MRTFA: variants seen among roughly 807,000 people sequenced by gnomAD.
MRTFA encodes myocardin-related transcription factor A.
A neutral mutation model predicts 83.5 loss-of-function variants in MRTFA; 20 were observed. The ratio of observed to expected loss-of-function variants is 0.24; its 90% CI spans 0.17 to 0.35. The LOEUF is 0.35. MRTFA is among the 10% of genes least tolerant of loss of function. The probability of loss-of-function intolerance (pLI) is 1.00; values close to 1 mark genes in which losing one functional copy is unlikely to be tolerated. For missense variants in MRTFA, 1,200 were observed against 1,224.7 expected (o/e 0.98, Z 0.30); for synonymous variants, 659 against 541.2 (o/e 1.22, Z -3.02).
chr22:40,567,468 T>A (rs1338356158), intron 2 of MRTFA, among the ~76,000 whole-genome samples: 1 of 152,210 alleles, frequency 6.6e-6, no homozygotes, highest in Non-Finnish European at 1.5e-5. Context: ...TCTGCACATA[T>A]TTTGTGTATT....
intron 1 of MRTFA, among the ~76,000 whole-genome samples, chr22:40,600,009 C>A (rs200126782): frequency 1.8e-3 from 223 of 121,240 alleles, no homozygotes; most frequent in Middle Eastern, 8.9e-3. Flanking sequence ...TTTGACTTAT[C>A]AAAAAAAAAA....
chr22:40,444,162 T>TAACATATTACA (rs906739178), intron 4 of MRTFA, among the ~76,000 whole-genome samples: 1 of 152,164 alleles, frequency 6.6e-6, no homozygotes, highest in Non-Finnish European at 1.5e-5. Context: ...CAGAGACTCC[T>TAACATATTACA]AACATATTAC....
intron 1 of MRTFA, among the ~76,000 whole-genome samples, chr22:40,625,073 G>A (rs749459160): frequency 1.3e-5 from 2 of 152,152 alleles, no homozygotes; most frequent in African/African-American, 2.4e-5. Context: ...ACTAGCATAT[G>A]ATACATTATG....
chr22:40,575,897 G>A (rs2055860184), intron 2 of MRTFA, among the ~76,000 whole-genome samples: 1 of 152,094 alleles, frequency 6.6e-6, no homozygotes, highest in Admixed American at 6.6e-5. Flanking sequence ...TACATGAGAA[G>A]CACTAACAAT....
intron 3 of MRTFA, among the ~76,000 whole-genome samples, chr22:40,546,427 T>C (rs1326206884): frequency 6.6e-6 from 1 of 152,196 alleles, no homozygotes; most frequent in Admixed American, 6.5e-5. Context: ...GTCGTAGATA[T>C]CCGTGGAGGA....
chr22:40,598,814 C>T (rs1056240982), intron 1 of MRTFA, among the ~76,000 whole-genome samples: 2 of 149,528 alleles, frequency 1.3e-5, no homozygotes, highest in Non-Finnish European at 3.0e-5. Context: ...TGGAGAAATT[C>T]CGTCGCTACT....
At chr22:40,577,886 G>A (rs1298756830) in intron 2 of MRTFA, among the ~76,000 whole-genome samples, 3 of 151,644 alleles carry the variant, frequency 2.0e-5, no homozygotes, top group Non-Finnish European at 4.4e-5. Flanking sequence ...GATTATAGGT[G>A]TGAGCCACCA....
chr22:40,477,414 G>A (rs1366129278), intron 3 of MRTFA, among the ~76,000 whole-genome samples: 1 of 151,754 alleles, frequency 6.6e-6, no homozygotes, highest in Non-Finnish European at 1.5e-5. Context: ...AGACATCAGA[G>A]AAAGAATCAG....
intron 1 of MRTFA, among the ~76,000 whole-genome samples, chr22:40,630,128 C>T (rs2056626657): frequency 6.6e-6 from 1 of 151,874 alleles, no homozygotes; most frequent in Non-Finnish European, 1.5e-5. Context: ...GCCTGGCCAA[C>T]ATATAGTGAA....
rs200611220 is a variant in MRTFA, at chr22:40,547,790, G to A, written c.241+4316C>T. 2.3e-4 allele frequency among the ~76,000 whole-genome samples: 35 copies of A among 150,694 alleles called. No individual in the cohort carries two copies. The East Asian group carries it at 5.9e-3, about 25-fold the overall frequency. ...AATCACTTGAACCCTGGAGGCAGAGGTTGCCGTGAGCTGAGATCATACCAC... is the reference window on the plus strand; with the variant it reads ...AATCACTTGAACCCTGGAGGCAGAGATTGCCGTGAGCTGAGATCATACCAC... On this transcript the variant is annotated intron_variant, in intron 3 of 14. Transcript: ENST00000355630.
chr22:40,420,966 G>C lies in MRTFA; in HGVS notation c.1062C>G (p.Pro354=). 1 of 1,612,902 alleles carries C rather than the reference G, an allele frequency of 6.2e-7. No individual in the cohort carries two copies. Among genetic ancestry groups the C allele is most frequent in the East Asian group, 2.2e-5 (1 of 44,858 alleles). The change falls in exon 10 of 15, where the codon CCC becomes CCG. Residue 354 remains proline (P), a synonymous_variant. Transcript: ENST00000355630. ...GGATCTTGGCGTAGGATGAGTCCATGGGGGGTGCCCCCCTGTCCTGCTTCT... is the reference window on the plus strand; with the variant it reads ...GGATCTTGGCGTAGGATGAGTCCATCGGGGGTGCCCCCCTGTCCTGCTTCT...
chr22:40,461,166 T>C (rs1009476445), intron 4 of MRTFA, among the ~76,000 whole-genome samples: 1 of 137,466 alleles, frequency 7.3e-6, no homozygotes, highest in Non-Finnish European at 1.5e-5. Flanking sequence ...GATCATGCCA[T>C]TGCACTTTAG....
chr22:40,594,681 A>C lies in MRTFA; in HGVS notation c.-29T>G, dbSNP rs1415477811. On this transcript the variant is annotated 5_prime_UTR_variant, in exon 2 of 15. It removes the in-frame stop codon of an upstream open reading frame in the 5' UTR. Coordinates refer to ENST00000355630, the MANE Select transcript of MRTFA (RefSeq NM_020831.6). ...AATAAATCTGGGACCTACCTTGCTT[A>C]CAATTCCCACAGACAGATGAAATTC... is the stretch of plus-strand genomic sequence containing the variant. 1 of 152,218 alleles carries C rather than the reference A, an allele frequency of 6.6e-6. No homozygotes were observed. The highest frequency in any genetic ancestry group is 2.4e-5 in the African/African-American group (1 of 41,448). 9.4% of individuals were successfully genotyped at this position (152,218 alleles called of 1,614,324 possible). A position where few individuals can be genotyped will look rare whatever the true frequency, so the allele number is the denominator to read the frequency against.
chr22:40,430,860 CAAAAAAAAAAA>C (rs1171650702), intron 6 of MRTFA, among the ~76,000 whole-genome samples: 3 of 35,102 alleles, frequency 8.5e-5, no homozygotes, highest in African/African-American at 1.2e-4. Context: ...GACTCCATCA[CAAAAAAAAAAA>C]AAAAAAAAAA....
chr22:40,635,020 A>T (rs2056679374), intron 1 of MRTFA, among the ~76,000 whole-genome samples: 1 of 95,624 alleles, frequency 1.0e-5, no homozygotes, highest in African/African-American at 5.6e-5. Context: ...CACTAGAGCT[A>T]AACTACAGAT....
intron 3 of MRTFA, among the ~76,000 whole-genome samples, chr22:40,494,239 T>C (rs948341308): frequency 3.9e-5 from 6 of 152,120 alleles, no homozygotes; most frequent in Admixed American, 2.6e-4. Flanking sequence ...ACTTTAGTAA[T>C]AAAGGGAGAT....
intron 2 of MRTFA, among the ~76,000 whole-genome samples, chr22:40,559,285 C>T (rs1440916329): frequency 6.6e-6 from 1 of 152,042 alleles, no homozygotes; most frequent in Non-Finnish European, 1.5e-5. Context: ...ACTCCTGAGG[C>T]TGAGGTAAGA....
rs556423980 is a variant in MRTFA at position 40,419,035 on chromosome 22, T to C, written c.1703A>G (p.Glu568Gly). Residue 568 changes from glutamate to glycine, a missense_variant, in exon 12 of 15, where the codon GAA (glutamate) becomes GGA (glycine). Physicochemically the swap from Glu to Gly is moderately conservative, Grantham distance 98 (BLOSUM62 -2). Coordinates refer to ENST00000355630, the MANE Select transcript of MRTFA (RefSeq NM_020831.6). Reference sequence around the variant, plus strand: ...AAAGGTGTCCCCGGGGGTGGAGTTTTCATCGCCCGTGCTGAGCAGTGAGCG... The same window carrying C: ...AAAGGTGTCCCCGGGGGTGGAGTTTCCATCGCCCGTGCTGAGCAGTGAGCG... 4.1e-4 allele frequency: 665 copies of C among 1,612,340 alleles called. 7 individuals are homozygous for C. In the South Asian group the frequency reaches 6.5e-3, roughly 16 times the overall value.
At chr22:40,537,816 T>TG (rs1259675219) in intron 3 of MRTFA, among the ~76,000 whole-genome samples, 7 of 12,648 alleles carry the variant, frequency 5.5e-4, no homozygotes, top group South Asian at 2.6e-3. Context: ...GGGAGGGAGG[T>TG]GGGGGGGTCA....
Sources: allele counts gnomAD v4.1 joint callset (sites outside exome capture counted in the v4.1 genomes callset), GRCh38; gene constraint gnomAD v4.1.1; transcripts MANE v1.5; gene names NCBI Gene and HGNC (gene_info 2026-07-23, HGNC 2026-07-21).